Variants in RAB4A observed in about 807,000 individuals in gnomAD.
The protein encoded by RAB4A is ras-related protein Rab-4A.
A neutral mutation model predicts 34.5 loss-of-function variants in RAB4A; 20 were observed. That is an observed-to-expected ratio of 0.58 (90% CI 0.41 to 0.84). The LOEUF is 0.84. RAB4A is among the 40% of genes least tolerant of loss of function. The probability of loss-of-function intolerance (pLI) is 0.00; values close to 1 mark genes in which losing one functional copy is unlikely to be tolerated. For synonymous variants in RAB4A, 102 were observed against 100.0 expected, an observed-to-expected ratio of 1.02 and a Z score of -0.12; for missense variants, 228 against 274.5, an observed-to-expected ratio of 0.83 and a Z score of 1.20.
chr1:229,303,111 T>A, intron 7 of RAB4A, 122 bp downstream of exon 7: 1 of 679,824 alleles, frequency 1.5e-6, no homozygotes, highest in Non-Finnish European at 2.5e-6. Context: ...TGGCTCTAAT[T>A]CCAGCACTTT....
Position 229,271,296 on chromosome 1 carries a change from C to A in RAB4A, c.-44C>A. ...CCGAGACGCGCCGGCGGACCGCGGG[C>A]GAGTGCAGCCGGTGACCCGGCGAGA... On this transcript the variant is annotated 5_prime_UTR_variant, in exon 1 of 8. Coordinates refer to ENST00000366690, the MANE Select transcript of RAB4A (RefSeq NM_004578.4). 7.5e-7 allele frequency: 1 copy of A among 1,330,864 alleles called. No homozygotes were observed. The highest frequency in any genetic ancestry group is 3.2e-5 in the East Asian group (1 of 31,492). The allele number at this position is 1,330,864 out of a possible 1,614,324, so 82.4% of individuals were successfully genotyped here. A position where few individuals can be genotyped will look rare whatever the true frequency, so the allele number is the denominator to read the frequency against.
intron 6 of RAB4A, among the ~76,000 whole-genome samples, chr1:229,302,307 ATATT>A (rs1263987028): frequency 6.3e-4 from 22 of 34,962 alleles, no homozygotes; most frequent in South Asian, 2.9e-3. Flanking sequence ...ATATATATAT[ATATT>A]TTTTTTTTTT....
At chr1:229,279,805 C>G (rs1656737296) in intron 1 of RAB4A, among the ~76,000 whole-genome samples, 1 of 151,662 alleles carries the variant, frequency 6.6e-6, no homozygotes, top group Admixed American at 6.6e-5. Context: ...AATCTTAATT[C>G]ATTCTGGAGA....
intron 3 of RAB4A, among the ~76,000 whole-genome samples, chr1:229,294,709 G>A (rs746375438): frequency 3.9e-5 from 6 of 152,092 alleles, no homozygotes; most frequent in Non-Finnish European, 7.4e-5. Context: ...GCGTGGTGGC[G>A]GGTGCAGCTA....
intron 6 of RAB4A, among the ~76,000 whole-genome samples, chr1:229,302,303 A>T (rs1183954228): frequency 0.33 from 13,063 of 39,764 alleles, 1,998 homozygotes; most frequent in African/African-American, 0.51. Context: ...ATATATATAT[A>T]TATATATTTT....
intron 3 of RAB4A, among the ~76,000 whole-genome samples, chr1:229,291,490 T>C (rs1657084819): frequency 6.6e-6 from 1 of 150,818 alleles, no homozygotes; most frequent in Non-Finnish European, 1.5e-5. Context: ...CTGTAAGAGC[T>C]CACGACTCTG....
intron 6 of RAB4A, among the ~76,000 whole-genome samples, chr1:229,299,529 ATTTCTG>A (rs1657328750): frequency 2.6e-5 from 4 of 151,988 alleles, no homozygotes; most frequent in African/African-American, 9.7e-5. Flanking sequence ...GAGTAATTTT[ATTTCTG>A]AAGCTTACTG....
At position 229,296,095 on chromosome 1, in the gene RAB4A, C is replaced by T. The variant is rs1323855603; in HGVS notation, c.290+185C>T. On this transcript the variant is annotated intron_variant, in intron 4 of 7. Transcript: ENST00000366690. ...CAGAGGTCTTTGAACGAGCCCCTAC[C>T]ACTGCTTTCCCCTGCAGAGAAATGT... Among the ~76,000 whole-genome samples the T allele has an allele frequency of 2.0e-5, 3 of 152,246 alleles. No individual in the cohort carries two copies. In the East Asian group the frequency reaches 5.8e-4, roughly 29 times the overall value.
chr1:229,295,781 C>T (rs1372929587), intron 3 of RAB4A, 67 bp from the exon 4 acceptor site: 4 of 1,516,936 alleles, frequency 2.6e-6, no homozygotes, highest in Non-Finnish European at 3.6e-6. Context: ...GGTGTTTTTT[C>T]ATGGGAAAGT....
rs1009241867 is a variant in RAB4A, at chr1:229,276,374, A to C, written c.31+5004A>C. Among the ~76,000 whole-genome samples, 2 of 151,390 alleles carry C rather than the reference A, an allele frequency of 1.3e-5. 1 individual carries two copies. The highest frequency in any genetic ancestry group is 4.9e-5 in the African/African-American group (2 of 40,680). On this transcript the variant is annotated intron_variant, in intron 1 of 7. Coordinates refer to ENST00000366690, the MANE Select transcript of RAB4A (RefSeq NM_004578.4). ...AAAGCATGGTTTTTTGAAAAAACAA[A>C]ATATTCTTTCTCATGGTCATTTGAA...
intron 6 of RAB4A, among the ~76,000 whole-genome samples, chr1:229,301,295 A>AGAGAAGAATG (rs1465372365): frequency 6.0e-4 from 92 of 152,160 alleles, no homozygotes; most frequent in African/African-American, 2.2e-3. Flanking sequence ...AGGGGGAAGG[A>AGAGAAGAATG]GAGAAGAATG....
chr1:229,304,966 G>A lies in RAB4A; in HGVS notation c.*1173G>A. 1.5e-6 allele frequency: 1 copy of A among 661,384 alleles called. No homozygotes were observed. The highest frequency in any genetic ancestry group is 1.9e-5 in the African/African-American group (1 of 52,804). 41.0% of individuals were successfully genotyped at this position (661,384 alleles called of 1,614,324 possible). On this transcript the variant is annotated 3_prime_UTR_variant, in exon 8 of 8. Transcript: ENST00000366690. ...AACCTTTCTTTAAAGTTGAAATGCAGTATTATTTAAATCTGAAAGGTTAAA... is the reference window on the plus strand; with the variant it reads ...AACCTTTCTTTAAAGTTGAAATGCAATATTATTTAAATCTGAAAGGTTAAA...
chr1:229,290,769 A>T (rs1216431932), intron 3 of RAB4A, among the ~76,000 whole-genome samples: 1 of 152,230 alleles, frequency 6.6e-6, no homozygotes, highest in Non-Finnish European at 1.5e-5. Flanking sequence ...AGCAATCAGA[A>T]TAATATGTTA....
rs1177599955 is a variant in RAB4A at position 229,302,877 on chromosome 1, A to G, written c.557A>G (p.Glu186Gly). 6.2e-7 allele frequency: 1 copy of G among 1,613,668 alleles called. No individual in the cohort carries two copies. Among genetic ancestry groups the G allele is most frequent in the South Asian group, 1.1e-5 (1 of 91,068 alleles). The stretch of plus-strand genomic sequence containing the variant: ...TGGTCCTTAGGTGAGCTGGACCCAG[A>G]AAGAATGGGCTCAGGTATTCAGTAC... ...NKIESGELDP[E>G]RMGSGIQYGD... is the part of the protein sequence containing the mutation. The change falls in exon 7 of 8, where the codon GAA (glutamate) becomes GGA (glycine). Residue 186 changes from glutamate (E) to glycine (G), a missense_variant. Physicochemically the swap from Glu to Gly is moderately conservative, Grantham distance 98. Coordinates refer to ENST00000366690, the MANE Select transcript of RAB4A (RefSeq NM_004578.4).
chr1:229,300,753 A>G (rs1201828076), intron 6 of RAB4A, among the ~76,000 whole-genome samples: 3 of 152,146 alleles, frequency 2.0e-5, no homozygotes, highest in Admixed American at 1.3e-4. Flanking sequence ...CCTGGCTGGC[A>G]GTATAAGTTT....
At chr1:229,277,316 C>T (rs76520225) in intron 1 of RAB4A, among the ~76,000 whole-genome samples, 1,627 of 151,096 alleles carry the variant, frequency 0.011, 115 homozygotes, top group African/African-American at 0.038. Flanking sequence ...AGGTAAACCG[C>T]GGCTCCTACA....
intron 6 of RAB4A, among the ~76,000 whole-genome samples, chr1:229,301,244 G>A (rs1040901104): frequency 6.6e-6 from 1 of 152,112 alleles, no homozygotes; most frequent in African/African-American, 2.4e-5. Flanking sequence ...TAAAGCTGGG[G>A]TTGTGGGTGA....
chr1:229,297,954 T>C (rs1037763980), intron 5 of RAB4A, among the ~76,000 whole-genome samples: 5 of 152,198 alleles, frequency 3.3e-5, no homozygotes, highest in African/African-American at 1.2e-4. Context: ...AACCAAATGA[T>C]GTCATTATTT....
intron 2 of RAB4A, among the ~76,000 whole-genome samples, chr1:229,286,916 TC>T (rs1656938174): frequency 6.6e-6 from 1 of 152,210 alleles, no homozygotes; most frequent in Non-Finnish European, 1.5e-5. Flanking sequence ...CAACATTTGG[TC>T]CTCATAGTGG....
Sources: gnomAD v4.1 joint callset for allele counts (sites outside exome capture counted in the v4.1 genomes callset) on GRCh38, gnomAD v4.1.1 for gene constraint, MANE v1.5 for transcripts, NCBI Gene and HGNC (gene_info 2026-07-23, HGNC 2026-07-21) for gene names.